The following RC3H1 variants were observed in gnomAD, a reference collection of about 807,000 sequenced individuals.
The protein encoded by RC3H1 is ring finger and CCCH-type domains 1.
In RC3H1, 50 loss-of-function variants were observed where a neutral mutation model predicts 138.2. That is an observed-to-expected ratio of 0.36 (90% confidence interval 0.29 to 0.46). The LOEUF is 0.46. Among genes scored for constraint, RC3H1 ranks in the 20% least tolerant of loss-of-function variants. The pLI, the probability that RC3H1 is intolerant of heterozygous loss-of-function variation, is 1.00. For missense variants in RC3H1, 1,031 were observed against 1,388.1 expected (o/e 0.74, Z 4.09); for synonymous variants, 462 against 489.1 (o/e 0.94, Z 0.73).
At chr1:173,984,395 C>T in intron 3 of RC3H1, 104 bp downstream of exon 3, 1 of 1,041,270 alleles carries the variant, frequency 9.6e-7, no homozygotes, top group South Asian at 2.0e-5. Flanking sequence ...AAATTTACCT[C>T]TAGTTAGGTT....
At chr1:173,968,644 T>C (rs1204898633) in intron 9 of RC3H1, among the ~76,000 whole-genome samples, 1 of 152,162 alleles carries the variant, frequency 6.6e-6, no homozygotes, top group Non-Finnish European at 1.5e-5. Context: ...CTTACATACA[T>C]TAGCTACTAC....
rs940890588 is a variant in RC3H1, at chr1:173,932,802, A to T, written c.*5919T>A. 1.3e-4 allele frequency: 20 copies of T among 151,764 alleles called. No individual in the cohort carries two copies. Among genetic ancestry groups the T allele is most frequent in the Non-Finnish European group, 2.2e-4 (15 of 67,882 alleles). The allele number at this position is 151,764 out of a possible 1,614,324, so 9.4% of individuals were successfully genotyped here. ...AAATAAATGGTGATTAAAAAAAGGC[A>T]AATAATAATAATAATAATAATAGAG... On this transcript the variant is annotated 3_prime_UTR_variant, in exon 20 of 20. Coordinates refer to ENST00000367696, the MANE Select transcript of RC3H1 (RefSeq NM_172071.4).
chr1:173,949,091 T>C (rs1246269825), intron 14 of RC3H1, among the ~76,000 whole-genome samples: 1 of 137,528 alleles, frequency 7.3e-6, no homozygotes, highest in Non-Finnish European at 1.5e-5. Flanking sequence ...AAAAAAATTT[T>C]ATTTTGCTTT....
Position 173,936,396 on chromosome 1 carries a change from C to T in RC3H1, c.*2325G>A, listed in dbSNP as rs1047626711. ...GGACGTGGTGGCGCGTGCCTGTAGT[C>T]CCAGCTACTCAGGAGGCTGAGGCAG... On this transcript the variant is annotated 3_prime_UTR_variant, in exon 20 of 20. Transcript: ENST00000367696. 6.6e-6 allele frequency: 1 copy of T among 151,170 alleles called. No individual in the cohort carries two copies. The highest frequency in any genetic ancestry group is 2.4e-5 in the African/African-American group (1 of 41,078). 9.4% of individuals were successfully genotyped at this position (151,170 alleles called of 1,614,324 possible).
rs1367422118 is a variant in RC3H1, at chr1:173,941,349, T to C, written c.3167A>G (p.Lys1056Arg). 1 of 1,613,612 alleles carries C rather than the reference T, an allele frequency of 6.2e-7. No individual in the cohort carries two copies. Among genetic ancestry groups the C allele is most frequent in the Non-Finnish European group, 8.5e-7 (1 of 1,179,716 alleles). ...ENQCSLDMKS[K>R]LNTSKQAENG... ...TTCTGCTTGTTTACTTGTATTCAGT[T>C]TGCTTTTCATGTCCAGAGAACACTG... Residue 1056 changes from lysine to arginine, a missense_variant, in exon 19 of 20, where the codon AAA becomes AGA. Coordinates refer to ENST00000367696, the MANE Select transcript of RC3H1 (RefSeq NM_172071.4).
chr1:174,002,970 TCTC>T (rs1165579982), intron 1 of RC3H1, among the ~76,000 whole-genome samples: 1 of 152,180 alleles, frequency 6.6e-6, no homozygotes, highest in African/African-American at 2.4e-5. Flanking sequence ...AGTTCAGACT[TCTC>T]TTCTGAGTGC....
intron 9 of RC3H1, among the ~76,000 whole-genome samples, chr1:173,967,210 T>C (rs1441704830): frequency 6.6e-6 from 1 of 151,840 alleles, no homozygotes; most frequent in Non-Finnish European, 1.5e-5. Context: ...GGTCCCAGCT[T>C]CTCGGGAGGC....
rs1474420481 is a variant in RC3H1, at chr1:173,961,256, A to C, written c.2203-12T>G. ...CTATAAGGAGGTTCCTAAAAATAGA[A>C]AGATTAGTTAAAATTGAAAGAGAAT... On this transcript the variant is annotated splice_polypyrimidine_tract_variant and intron_variant, in intron 12 of 19. Coordinates refer to ENST00000367696, the MANE Select transcript of RC3H1 (RefSeq NM_172071.4). 6.3e-7 allele frequency: 1 copy of C among 1,599,106 alleles called. No homozygotes were observed. The highest frequency in any genetic ancestry group is 1.1e-5 in the South Asian group (1 of 88,714).
chr1:174,003,385 T>TCTCACACACACACA (rs149830389), intron 1 of RC3H1, among the ~76,000 whole-genome samples: 3 of 143,224 alleles, frequency 2.1e-5, no homozygotes, highest in African/African-American at 7.7e-5. Context: ...AAGACTCCTA[T>TCTCACACACACACA]CACACACACA....
At chr1:173,967,880 AAAAC>A (rs1030570314) in intron 9 of RC3H1, among the ~76,000 whole-genome samples, 17 of 152,200 alleles carry the variant, frequency 1.1e-4, no homozygotes, top group African/African-American at 2.4e-4. Flanking sequence ...TTAACAACTA[AAAAC>A]AAACAAACAA....
intron 17 of RC3H1, among the ~76,000 whole-genome samples, chr1:173,945,714 G>GT (rs199936325): frequency 0.14 from 19,921 of 146,520 alleles, 1,413 homozygotes; most frequent in Middle Eastern, 0.22. Context: ...TCAAAGTTCT[G>GT]TTTTTTTTTT....
chr1:173,972,878 T>A (rs932602944), intron 7 of RC3H1, among the ~76,000 whole-genome samples: 1 of 152,126 alleles, frequency 6.6e-6, no homozygotes, highest in Non-Finnish European at 1.5e-5. Context: ...GGCCACACAA[T>A]AGTGGTAACT....
rs949515294 is a variant in RC3H1 at position 173,943,306 on chromosome 1, C to T, written c.3135+136G>A. The stretch of plus-strand genomic sequence containing the variant: ...ATGATAAAATCGGAAGGTAGCCCAC[C>T]TGCATGAGAATTATTTTAAATATTA... On this transcript the variant is annotated intron_variant, in intron 18 of 19. Coordinates refer to ENST00000367696, the MANE Select transcript of RC3H1 (RefSeq NM_172071.4). The T allele has an allele frequency of 2.4e-5, 18 of 759,130 alleles. No individual in the cohort carries two copies. The South Asian group carries it at 2.6e-4, about 11-fold the overall frequency. 47.0% of individuals were successfully genotyped at this position (759,130 alleles called of 1,614,324 possible).
At chr1:173,982,272 G>A (rs1284786906) in intron 5 of RC3H1, among the ~76,000 whole-genome samples, 1 of 151,946 alleles carries the variant, frequency 6.6e-6, no homozygotes, top group Admixed American at 6.6e-5. Flanking sequence ...CCAGCTACTC[G>A]GGAGGCTGAG....
Position 173,936,757 on chromosome 1 carries a change from ATATATTTTTTTT to A in RC3H1, c.*1952_*1963del, listed in dbSNP as rs1452971482. The A allele has an allele frequency of 1.7e-4, 5 of 29,264 alleles. No homozygotes were observed. Among genetic ancestry groups the A allele is most frequent in the South Asian group, 1.1e-3 (1 of 904 alleles). The allele number at this position is 29,264 out of a possible 1,614,324, so 1.8% of individuals were successfully genotyped here. On this transcript the variant is annotated 3_prime_UTR_variant, in exon 20 of 20. Coordinates refer to ENST00000367696, the MANE Select transcript of RC3H1 (RefSeq NM_172071.4). The stretch of plus-strand genomic sequence containing the variant: ...TATATATATATATATATATATATAT[ATATATTTTTTTT>A]TTTTTTTTTAAAAAAAGAAGACAAA...
At chr1:173,947,720 GT>G in intron 14 of RC3H1, 138 bp from the exon 15 acceptor site, 3 of 669,180 alleles carry the variant, frequency 4.5e-6, no homozygotes, top group African/African-American at 1.8e-5. Flanking sequence ...ACCTTTGGTT[GT>G]TTTTATGTAA....
chr1:173,979,888 C>G (rs1196718482), intron 6 of RC3H1, among the ~76,000 whole-genome samples: 1 of 151,992 alleles, frequency 6.6e-6, no homozygotes, highest in African/African-American at 2.4e-5. Context: ...AAATTATGTA[C>G]CGCCTTTTTA....
intron 14 of RC3H1, among the ~76,000 whole-genome samples, chr1:173,950,803 C>T (rs1173537953): frequency 2.0e-5 from 3 of 150,228 alleles, no homozygotes; most frequent in African/African-American, 4.9e-5. Context: ...GAGGGAGAGG[C>T]GGGAGGATCA....
chr1:173,951,301 G>T (rs1019195437), intron 14 of RC3H1, among the ~76,000 whole-genome samples: 3 of 151,644 alleles, frequency 2.0e-5, no homozygotes, highest in African/African-American at 7.3e-5. Flanking sequence ...CTCCAGCCTG[G>T]GCAACAAGAG....
Sources: allele counts gnomAD v4.1 joint callset (sites outside exome capture counted in the v4.1 genomes callset), GRCh38; gene constraint gnomAD v4.1.1; transcripts MANE v1.5; gene names NCBI Gene and HGNC (gene_info 2026-07-23, HGNC 2026-07-21).